KLHL1: variants seen among roughly 807,000 people sequenced by gnomAD.
KLHL1 encodes the protein kelch like family member 1.
A neutral mutation model predicts 77.7 loss-of-function variants in KLHL1; 47 were observed. That is an observed-to-expected ratio of 0.60 (90% CI 0.48 to 0.77). The LOEUF (loss-of-function observed/expected upper bound fraction) is 0.77. Ranked by LOEUF, KLHL1 falls within the 30% of genes least tolerant of loss-of-function variation. The probability of loss-of-function intolerance (pLI) is 0.00; values close to 1 mark genes in which losing one functional copy is unlikely to be tolerated. For missense variants in KLHL1, 925 were observed against 910.8 expected (o/e 1.02, Z -0.20); for synonymous variants, 360 against 325.2 (o/e 1.11, Z -1.15).
At chr13:69,765,480 G>C (rs1410699908) in intron 7 of KLHL1, among the ~76,000 whole-genome samples, 1 of 151,990 alleles carries the variant, frequency 6.6e-6, no homozygotes, top group South Asian at 2.1e-4. Flanking sequence ...ACTTAAAATT[G>C]TTTTATAATG....
intron 3 of KLHL1, among the ~76,000 whole-genome samples, chr13:69,948,361 T>C (rs1355936774): frequency 6.6e-6 from 1 of 152,102 alleles, no homozygotes; most frequent in Non-Finnish European, 1.5e-5. Flanking sequence ...TTCTCCATGC[T>C]GCCTTGGCAA....
intron 1 of KLHL1, among the ~76,000 whole-genome samples, chr13:70,091,581 G>A (rs1169785888): frequency 6.6e-6 from 1 of 152,062 alleles, no homozygotes; most frequent in African/African-American, 2.4e-5. Flanking sequence ...TCTCTCAACA[G>A]TCCAACTAAT....
At chr13:70,005,871 A>C (rs1885393815) in intron 1 of KLHL1, among the ~76,000 whole-genome samples, 1 of 151,780 alleles carries the variant, frequency 6.6e-6, no homozygotes, top group Non-Finnish European at 1.5e-5. Context: ...AAGAACTCTT[A>C]TCATGAGATC....
chr13:69,742,810 T>A (rs1011043701), intron 7 of KLHL1, among the ~76,000 whole-genome samples: 1 of 152,176 alleles, frequency 6.6e-6, no homozygotes, highest in Admixed American at 6.5e-5. Context: ...TTAAAAACCA[T>A]AAACTTCAAA....
chr13:69,814,482 A>ATATTTGCAAAG (rs1193321766), intron 6 of KLHL1, among the ~76,000 whole-genome samples: 1 of 152,180 alleles, frequency 6.6e-6, no homozygotes, highest in Admixed American at 6.5e-5. Context: ...AATGGAGAAA[A>ATATTTGCAAAG]TATTTGCAAA....
At position 70,107,227 on chromosome 13, in the gene KLHL1, G is replaced by C. The variant is rs756444472; in HGVS notation, c.473C>G (p.Ala158Gly). 9 of 1,612,426 alleles carry C rather than the reference G, an allele frequency of 5.6e-6. No individual in the cohort carries two copies. Among genetic ancestry groups the C allele is most frequent in the Non-Finnish European group, 5.9e-6 (7 of 1,179,110 alleles). ...LKVEPDNSSQATGEGCGHRLS... is the reference protein window; with the variant it reads ...LKVEPDNSSQGTGEGCGHRLS... ...CCTGTGTCCACATCCTTCACCTGTT[G>C]CCTGGCTAGAGTTGTCTGGCTCCAC... The change falls in exon 1 of 11, where the codon GCA (alanine) becomes GGA (glycine). Residue 158 changes from alanine to glycine, a missense_variant. Coordinates refer to ENST00000377844, the MANE Select transcript of KLHL1 (RefSeq NM_020866.3).
At chr13:69,763,713 C>G (rs1349648343) in intron 7 of KLHL1, among the ~76,000 whole-genome samples, 1 of 152,158 alleles carries the variant, frequency 6.6e-6, no homozygotes, top group Non-Finnish European at 1.5e-5. Context: ...TGATGGGAAG[C>G]CAATGTTCTG....
At chr13:69,784,882 A>ACTT (rs1876432309) in intron 7 of KLHL1, among the ~76,000 whole-genome samples, 2 of 79,484 alleles carry the variant, frequency 2.5e-5, no homozygotes, top group African/African-American at 1.0e-4. Flanking sequence ...CAGAATATAC[A>ACTT]TTTTTTTTTT....
intron 5 of KLHL1, among the ~76,000 whole-genome samples, chr13:69,867,878 G>C (rs1880425920): frequency 6.7e-6 from 1 of 149,456 alleles, no homozygotes; most frequent in Admixed American, 6.7e-5. Flanking sequence ...GGGAGGGATA[G>C]CATTAGGAGA....
Position 69,938,340 on chromosome 13 carries a change from ATTAAT to A in KLHL1, c.1014+1695_1014+1699del, listed in dbSNP as rs201928389. On this transcript the variant is annotated intron_variant, in intron 4 of 10. Coordinates refer to ENST00000377844, the MANE Select transcript of KLHL1 (RefSeq NM_020866.3). ...TTATATATCACAGTCTAAGAAATAAATTAATTTAGAGTCATTCAGAATGTTGAGTA... is the reference window on the plus strand; with the variant it reads ...TTATATATCACAGTCTAAGAAATAAATTAGAGTCATTCAGAATGTTGAGTA... Among the ~76,000 whole-genome samples, 1,351 of 152,238 alleles carry A rather than the reference ATTAAT, an allele frequency of 8.9e-3. 11 individuals carry two copies. The highest frequency in any genetic ancestry group is 0.015 in the African/African-American group (636 of 41,570).
intron 1 of KLHL1, among the ~76,000 whole-genome samples, chr13:70,033,787 T>C (rs1886175543): frequency 6.6e-6 from 1 of 151,784 alleles, no homozygotes; most frequent in Non-Finnish European, 1.5e-5. Flanking sequence ...AGCCGGCTAA[T>C]TTTTTTATTT....
At chr13:69,963,543 G>C (rs955881028) in intron 2 of KLHL1, among the ~76,000 whole-genome samples, 2 of 151,976 alleles carry the variant, frequency 1.3e-5, no homozygotes, top group Non-Finnish European at 2.9e-5. Context: ...TCAATCAATT[G>C]AAAATTCTAA....
chr13:69,804,267 C>T (rs1877516042), intron 6 of KLHL1, among the ~76,000 whole-genome samples: 1 of 152,000 alleles, frequency 6.6e-6, no homozygotes, highest in Admixed American at 6.6e-5. Context: ...CTAGGTCTCT[C>T]AGGAGATATT....
chr13:69,813,636 C>A (rs1272424508), intron 6 of KLHL1, among the ~76,000 whole-genome samples: 1 of 151,956 alleles, frequency 6.6e-6, no homozygotes, highest in Admixed American at 6.6e-5. Flanking sequence ...AATCAAGAAT[C>A]CCATCTCATT....
intron 2 of KLHL1, among the ~76,000 whole-genome samples, chr13:69,972,094 TC>T (rs1884397866): frequency 6.6e-6 from 1 of 151,954 alleles, no homozygotes; most frequent in Non-Finnish European, 1.5e-5. Context: ...GAAATGTTAT[TC>T]CTCTACTATT....
chr13:69,832,901 C>T (rs536645252), intron 6 of KLHL1, among the ~76,000 whole-genome samples: 100 of 152,090 alleles, frequency 6.6e-4, no homozygotes, highest in African/African-American at 2.3e-3. Context: ...ATTGGCAAGC[C>T]ACATGGCAAA....
intron 3 of KLHL1, among the ~76,000 whole-genome samples, chr13:69,957,032 G>C (rs1327474534): frequency 2.0e-5 from 3 of 151,552 alleles, no homozygotes; most frequent in Non-Finnish European, 3.0e-5. Flanking sequence ...TCATGCTTCT[G>C]AGGATGACGC....
chr13:69,818,217 A>ATTTTTTTTTTTTTTTTTT (rs1878195724), intron 6 of KLHL1, among the ~76,000 whole-genome samples: 3 of 124,422 alleles, frequency 2.4e-5, no homozygotes, highest in African/African-American at 1.2e-4. Flanking sequence ...ACTCATAGGC[A>ATTTTTTTTTTTTTTTTTT]TCTTTTTTTT....
chr13:70,070,379 A>G (rs1263833363), intron 1 of KLHL1, among the ~76,000 whole-genome samples: 1 of 152,028 alleles, frequency 6.6e-6, no homozygotes, highest in Non-Finnish European at 1.5e-5. Flanking sequence ...GCATGTATCT[A>G]TAGAAGAACA....
Sources: allele counts gnomAD v4.1 joint callset (sites outside exome capture counted in the v4.1 genomes callset), GRCh38; gene constraint gnomAD v4.1.1; transcripts MANE v1.5; gene names NCBI Gene and HGNC (gene_info 2026-07-23, HGNC 2026-07-21).